ZNF609: variants seen among roughly 807,000 people sequenced by gnomAD.
ZNF609 encodes zinc finger protein 609.
A neutral mutation model predicts 109.5 loss-of-function variants in ZNF609; 11 were observed. The ratio of observed to expected loss-of-function variants is 0.10; its 90% CI spans 0.06 to 0.17. The LOEUF (loss-of-function observed/expected upper bound fraction) is 0.17, where lower values mean the gene tolerates loss of function less well. Among genes scored for constraint, ZNF609 ranks in the 10% least tolerant of loss-of-function variants. The probability of loss-of-function intolerance (pLI) is 1.00; values close to 1 mark genes in which losing one functional copy is unlikely to be tolerated. For missense variants in ZNF609, 1,559 were observed against 1,772.4 expected (o/e 0.88, Z 2.16); for synonymous variants, 646 against 662.0 (o/e 0.98, Z 0.37).
chr15:64,681,481 G>T (rs2083208273), intron 9 of ZNF609, 94 bp downstream of exon 9: 3 of 1,062,350 alleles, frequency 2.8e-6, no homozygotes, highest in South Asian at 2.7e-5. Flanking sequence ...GCTATGAGGG[G>T]TCAGCAGTCT....
chr15:64,611,382 AT>A (rs1895714101), intron 2 of ZNF609, among the ~76,000 whole-genome samples: 1 of 152,226 alleles, frequency 6.6e-6, no homozygotes, highest in Admixed American at 6.5e-5. Context: ...GAGATGCTTC[AT>A]TCAGCAAAAA....
chr15:64,484,331 C>A (rs747240304), intron 1 of ZNF609, among the ~76,000 whole-genome samples: 1 of 152,170 alleles, frequency 6.6e-6, no homozygotes, highest in African/African-American at 2.4e-5. Flanking sequence ...AAAGTCTAAA[C>A]TACTTTCTTA....
At chr15:64,511,610 C>T (rs776414326) in intron 2 of ZNF609, among the ~76,000 whole-genome samples, 9 of 151,626 alleles carry the variant, frequency 5.9e-5, no homozygotes, top group South Asian at 2.1e-4. Context: ...GTTTCTTGGT[C>T]GTGAGACAGC....
intron 1 of ZNF609, among the ~76,000 whole-genome samples, chr15:64,477,387 G>A (rs893438296): frequency 4.0e-4 from 61 of 151,856 alleles, no homozygotes; most frequent in African/African-American, 1.4e-3. Flanking sequence ...TGATCCGCCG[G>A]CCTCAGCCTC....
At chr15:64,635,431 C>T (rs1397308224) in intron 3 of ZNF609, among the ~76,000 whole-genome samples, 1 of 152,116 alleles carries the variant, frequency 6.6e-6, no homozygotes, top group Non-Finnish European at 1.5e-5. Flanking sequence ...TTTTCTTGCT[C>T]TGTTAATAAG....
At chr15:64,652,357 G>C (rs1896430392) in intron 3 of ZNF609, among the ~76,000 whole-genome samples, 1 of 147,268 alleles carries the variant, frequency 6.8e-6, no homozygotes, top group African/African-American at 2.5e-5. Flanking sequence ...TTTTAGCCGG[G>C]ACTACAGGCA....
At chr15:64,577,834 G>A (rs1464878087) in intron 2 of ZNF609, among the ~76,000 whole-genome samples, 1 of 151,350 alleles carries the variant, frequency 6.6e-6, no homozygotes, top group African/African-American at 2.4e-5. Flanking sequence ...ACTCCAGCCT[G>A]GGCAACAAGA....
intron 2 of ZNF609, among the ~76,000 whole-genome samples, chr15:64,584,829 A>G (rs1463497046): frequency 6.7e-6 from 1 of 148,490 alleles, no homozygotes. Flanking sequence ...GGGTTTCACC[A>G]TGTTGGCCAG....
At chr15:64,606,231 A>G (rs1345403304) in intron 2 of ZNF609, among the ~76,000 whole-genome samples, 1 of 151,254 alleles carries the variant, frequency 6.6e-6, no homozygotes, top group Non-Finnish European at 1.5e-5. Context: ...CTCCTGCCTC[A>G]GCCTTACGGG....
rs1427621776 is a variant in ZNF609, at chr15:64,499,780, G to T, written c.361G>T (p.Val121Leu). The T allele has an allele frequency of 1.9e-6, 3 of 1,614,090 alleles. No homozygotes were observed. The highest frequency in any genetic ancestry group is 1.1e-5 in the South Asian group (1 of 91,086). ...TGAGGGGGCAGCTAGCAAGAAAGAG[G>T]TGCAGGGGCGCTCAGGAGATGGTGC... ...PSEGAASKKEVQGRSGDGANA... is the reference protein window; with the variant it reads ...PSEGAASKKELQGRSGDGANA... The change falls in exon 2 of 10, where the codon GTG becomes TTG. Residue 121 changes from valine (V) to leucine (L), a missense_variant. Around this residue, in one of 4 missense-constraint regions of ZNF609, gnomAD observed 291 missense variants for 317.8 expected, o/e 0.92. Transcript: ENST00000326648.
rs1167020601 is a variant in ZNF609, at chr15:64,685,457, C to T, written c.*3771C>T. 6.5e-6 allele frequency: 1 copy of T among 152,814 alleles called. No homozygotes were observed. Among genetic ancestry groups the T allele is most frequent in the Non-Finnish European group, 1.5e-5 (1 of 68,228 alleles). 9.5% of individuals were successfully genotyped at this position (152,814 alleles called of 1,614,324 possible). Reference sequence around the variant, plus strand: ...TGTCCAGACTACCTGCCTTGTAACCCTTTTCTGCCCAGCATTGTTTTCTGG... The same window carrying T: ...TGTCCAGACTACCTGCCTTGTAACCTTTTTCTGCCCAGCATTGTTTTCTGG... On this transcript the variant is annotated 3_prime_UTR_variant, in exon 10 of 10. Coordinates refer to ENST00000326648, the MANE Select transcript of ZNF609 (RefSeq NM_015042.2).
chr15:64,672,534 A>G (rs544809783), intron 4 of ZNF609, among the ~76,000 whole-genome samples: 35 of 147,968 alleles, frequency 2.4e-4, no homozygotes, highest in African/African-American at 8.4e-4. Flanking sequence ...CTGAGGCAGG[A>G]GAACCGCTTG....
At chr15:64,596,397 G>A (rs1213599830) in intron 2 of ZNF609, among the ~76,000 whole-genome samples, 2 of 151,956 alleles carry the variant, frequency 1.3e-5, no homozygotes, top group Non-Finnish European at 2.9e-5. Context: ...CTTGTGATCT[G>A]GCCAACTCAG....
At chr15:64,528,350 CTCT>C (rs1436390963) in intron 2 of ZNF609, among the ~76,000 whole-genome samples, 1 of 151,308 alleles carries the variant, frequency 6.6e-6, no homozygotes, top group Non-Finnish European at 1.5e-5. Flanking sequence ...AGAATCCTGG[CTCT>C]TTTTTATTGG....
intron 2 of ZNF609, among the ~76,000 whole-genome samples, chr15:64,595,012 A>G (rs1034200973): frequency 1.3e-5 from 2 of 149,666 alleles, no homozygotes; most frequent in African/African-American, 2.5e-5. Context: ...AAAAAAAAAA[A>G]AAAAGAAAAA....
At chr15:64,573,346 CTTTTTTTTTTTTTT>C (rs71133442) in intron 2 of ZNF609, among the ~76,000 whole-genome samples, 1 of 72,950 alleles carries the variant, frequency 1.4e-5, no homozygotes, top group Non-Finnish European at 2.4e-5. Context: ...GCCCAACTTT[CTTTTTTTTTTTTTT>C]TTTTTTTTTT....
chr15:64,610,055 C>A (rs1021620654), intron 2 of ZNF609, among the ~76,000 whole-genome samples: 1 of 150,350 alleles, frequency 6.7e-6, no homozygotes, highest in African/African-American at 2.5e-5. Flanking sequence ...TTAAGAATTT[C>A]CTGCAAGGTG....
intron 3 of ZNF609, among the ~76,000 whole-genome samples, chr15:64,628,549 G>A (rs878977964): frequency 6.6e-6 from 1 of 152,074 alleles, no homozygotes; most frequent in South Asian, 2.1e-4. Context: ...TGAGGCAGGA[G>A]AATCCCATGA....
intron 2 of ZNF609, among the ~76,000 whole-genome samples, chr15:64,586,746 AATG>A (rs1259165114): frequency 1.3e-5 from 2 of 152,158 alleles, no homozygotes; most frequent in East Asian, 3.8e-4. Flanking sequence ...TACTCGGTAG[AATG>A]ATGATTATTA....
Sources: gnomAD v4.1 joint callset for allele counts (sites outside exome capture counted in the v4.1 genomes callset) on GRCh38, gnomAD v4.1.1 for gene constraint, gnomAD v4.1.1 regional missense constraint, MANE v1.5 for transcripts, NCBI Gene and HGNC (gene_info 2026-07-23, HGNC 2026-07-21) for gene names.